The following PRMT9 variants were observed in gnomAD, a reference collection of about 807,000 sequenced individuals.
PRMT9 encodes protein arginine methyltransferase 9, also known as protein arginine N-methyltransferase 9.
PRMT9 carries 59 observed loss-of-function variants against 83.2 expected under a neutral mutation model. The observed-to-expected ratio is 0.71, with a 90% CI of 0.57 to 0.88. The LOEUF (loss-of-function observed/expected upper bound fraction) is 0.88, where lower values mean the gene tolerates loss of function less well. Among genes scored for constraint, PRMT9 ranks in the 40% least tolerant of loss-of-function variants. PRMT9 has a pLI of 0.00. For missense variants in PRMT9, 947 were observed against 1,021.9 expected (o/e 0.93, Z 1.00); for synonymous variants, 333 against 353.2 (o/e 0.94, Z 0.64).
At chr4:147,667,950 A>T (rs190459450) in intron 6 of PRMT9, among the ~76,000 whole-genome samples, 1 of 151,826 alleles carries the variant, frequency 6.6e-6, no homozygotes, top group Admixed American at 6.6e-5. Flanking sequence ...TTTTCCATTA[A>T]AAAAAAACTG....
At chr4:147,680,255 T>C (rs1736375841) in intron 2 of PRMT9, 68 bp downstream of exon 2, 1 of 1,430,958 alleles carries the variant, frequency 7.0e-7, no homozygotes, top group South Asian at 1.2e-5. Context: ...AAAATTACAG[T>C]ATGATTTATC....
chr4:147,655,329 T>C lies in PRMT9; in HGVS notation c.1331-763A>G, dbSNP rs558747031. Among the ~76,000 whole-genome samples the C allele has an allele frequency of 4.2e-3, 610 of 144,738 alleles. 1 individual carries two copies. Among genetic ancestry groups the C allele is most frequent in the Middle Eastern group, 0.014 (4 of 282 alleles). 95.0% of individuals were successfully genotyped at this position (144,738 alleles called of 152,430 possible). ...GGATACATGCCACCAGGCCCAGCTATTTTTTTTTTTTTAAATAGAGATGAG... is the reference window on the plus strand; with the variant it reads ...GGATACATGCCACCAGGCCCAGCTACTTTTTTTTTTTTAAATAGAGATGAG... On this transcript the variant is annotated intron_variant, in intron 8 of 11. Coordinates refer to ENST00000322396, the MANE Select transcript of PRMT9 (RefSeq NM_138364.4).
intron 9 of PRMT9, among the ~76,000 whole-genome samples, chr4:147,648,497 T>C (rs1028749649): frequency 6.6e-6 from 1 of 152,202 alleles, no homozygotes; most frequent in African/African-American, 2.4e-5. Context: ...TGGCTCTTCA[T>C]CTGTATCCTT....
At chr4:147,642,991 G>T in intron 9 of PRMT9, 51 bp from the exon 10 acceptor site, 1 of 1,551,404 alleles carries the variant, frequency 6.4e-7, no homozygotes, top group Non-Finnish European at 8.9e-7. Context: ...GGGCGACAGT[G>T]GCTCACGCCT....
intron 1 of PRMT9, among the ~76,000 whole-genome samples, chr4:147,682,841 C>A (rs1400013437): frequency 2.6e-5 from 4 of 152,264 alleles, no homozygotes; most frequent in South Asian, 2.1e-4. Context: ...AACATCTAGA[C>A]GCTACTGACA....
intron 9 of PRMT9, among the ~76,000 whole-genome samples, chr4:147,653,274 C>A (rs1734238594): frequency 6.6e-6 from 1 of 151,944 alleles, no homozygotes. Context: ...CATGGTGAAA[C>A]CCCGTCTCTA....
Position 147,683,977 on chromosome 4 carries a change from G to C in PRMT9, c.11C>G (p.Ser4Trp), listed in dbSNP as rs757738647. The C allele has an allele frequency of 3.1e-6, 5 of 1,612,760 alleles. No homozygotes were observed. Among genetic ancestry groups the C allele is most frequent in the South Asian group, 1.1e-5 (1 of 91,070 alleles). The change falls in exon 1 of 12, where the codon TCG becomes TGG. Residue 4 changes from serine (S) to tryptophan (W), a missense_variant. Coordinates refer to ENST00000322396, the MANE Select transcript of PRMT9 (RefSeq NM_138364.4). MSN[S>W]RPRSRRDAGG... ...GGCGTCTCGGCGGGACCTGGGCCGC[G>C]AGTTCGACATGGCAGTCACCACTTG... is the stretch of plus-strand genomic sequence containing the variant.
chr4:147,662,822 G>C (rs1351630029), intron 6 of PRMT9, among the ~76,000 whole-genome samples: 2 of 151,586 alleles, frequency 1.3e-5, no homozygotes, highest in Non-Finnish European at 2.9e-5. Context: ...AAACAAAAAA[G>C]AAAATTTACA....
chr4:147,640,586 C>G (rs1733329218), intron 10 of PRMT9, among the ~76,000 whole-genome samples: 1 of 152,110 alleles, frequency 6.6e-6, no homozygotes. Flanking sequence ...CCCAATTGCT[C>G]AGTGACCACA....
At position 147,654,040 on chromosome 4, in the gene PRMT9, C is replaced by T; in HGVS notation, c.1857G>A (p.Leu619=). The T allele has an allele frequency of 6.2e-7, 1 of 1,614,220 alleles. No homozygotes were observed. The change falls in exon 9 of 12, where the codon CTG becomes CTA. Residue 619 remains leucine, a synonymous_variant. Coordinates refer to ENST00000322396, the MANE Select transcript of PRMT9 (RefSeq NM_138364.4). The stretch of plus-strand genomic sequence containing the variant: ...AGTGATTGGCTTCAGATATGAGGTC[C>T]AGAGCAATACGATGCTGGTCTTTCT... ...SVEKDQHRIA[L]DLISEANHFP... is the part of the protein sequence containing the mutation.
Position 147,650,868 on chromosome 4 carries a change from C to T in PRMT9, c.2045+2984G>A, listed in dbSNP as rs533954358. Among the ~76,000 whole-genome samples, 5 of 152,254 alleles carry T rather than the reference C, an allele frequency of 3.3e-5. No individual in the cohort carries two copies. The East Asian group carries it at 7.7e-4, about 24-fold the overall frequency. ...CTGTAATCCCAGCACTTTGGGAGGC[C>T]AAGGCGGGCAGATCACAAGGTCAGG... On this transcript the variant is annotated intron_variant, in intron 9 of 11. Transcript: ENST00000322396.
chr4:147,681,646 G>T (rs566833131), intron 1 of PRMT9, among the ~76,000 whole-genome samples: 3 of 152,072 alleles, frequency 2.0e-5, no homozygotes, highest in Non-Finnish European at 4.4e-5. Context: ...AATTAGCCAA[G>T]CACGGTGGCG....
At chr4:147,666,224 G>A (rs1436803881) in intron 6 of PRMT9, among the ~76,000 whole-genome samples, 1 of 152,130 alleles carries the variant, frequency 6.6e-6, no homozygotes, top group African/African-American at 2.4e-5. Context: ...ATCTCAGTCT[G>A]TCACTTGTTT....
At chr4:147,658,363 AAG>A (rs968694268) in intron 7 of PRMT9, among the ~76,000 whole-genome samples, 10 of 151,524 alleles carry the variant, frequency 6.6e-5, no homozygotes, top group African/African-American at 1.5e-4. Context: ...GAGAGTGAGA[AAG>A]AGAGAGAGTG....
At chr4:147,642,689 T>C in intron 10 of PRMT9, 98 bp downstream of exon 10, 3 of 1,040,970 alleles carry the variant, frequency 2.9e-6, no homozygotes, top group Non-Finnish European at 3.0e-6. Flanking sequence ...AGCTAAACTT[T>C]AGTCACTGTG....
chr4:147,666,582 T>C (rs764079474), intron 6 of PRMT9, among the ~76,000 whole-genome samples: 8 of 152,350 alleles, frequency 5.3e-5, no homozygotes, highest in South Asian at 2.1e-4. Flanking sequence ...TCTTTCTGCA[T>C]CAATACATTG....
At position 147,653,897 on chromosome 4, in the gene PRMT9, G is replaced by T. The variant is rs142877020; in HGVS notation, c.2000C>A (p.Ser667Tyr). 3 of 1,613,832 alleles carry T rather than the reference G, an allele frequency of 1.9e-6. No homozygotes were observed. The African/African-American group carries it at 4.0e-5, about 22-fold the overall frequency. ...SIIILDVIEP[S>Y]GLIQQEIMEK... ...CATTATTTCCTGCTGAATGAGCCCA[G>T]ATGGCTCAATGACATCCAATATAAT... The change falls in exon 9 of 12, where the codon TCT becomes TAT. Residue 667 changes from serine (S) to tyrosine (Y), a missense_variant. Physicochemically the swap from Ser to Tyr is moderately radical, Grantham distance 144 (BLOSUM62 -2). Transcript: ENST00000322396.
In PRMT9 at chr4:147,680,397, A is replaced by C; in HGVS notation, c.264T>G (p.Gly88=). ...ACAGTTCCAAGGCCTGCTCATAGCA[A>C]CCAAGTAAGTCTTGTATCCGACTGA... The part of the protein sequence containing the change: ...DALSRIQDLL[G]CYEQALELFP... The change falls in exon 2 of 12, where the codon GGT becomes GGG. Residue 88 remains glycine, a synonymous_variant. Coordinates refer to ENST00000322396, the MANE Select transcript of PRMT9 (RefSeq NM_138364.4). The C allele has an allele frequency of 6.2e-7, 1 of 1,614,112 alleles. No homozygotes were observed. The highest frequency in any genetic ancestry group is 8.5e-7 in the Non-Finnish European group (1 of 1,179,932).
At chr4:147,652,489 C>T (rs1417731013) in intron 9 of PRMT9, among the ~76,000 whole-genome samples, 3 of 151,836 alleles carry the variant, frequency 2.0e-5, no homozygotes, top group African/African-American at 4.8e-5. Flanking sequence ...CAAAACTTAC[C>T]TAATTGTACA....
Sources: allele counts gnomAD v4.1 joint callset (sites outside exome capture counted in the v4.1 genomes callset), GRCh38; gene constraint gnomAD v4.1.1; transcripts MANE v1.5; gene names NCBI Gene and HGNC (gene_info 2026-07-23, HGNC 2026-07-21).